MAN1C1: variants seen among roughly 807,000 people sequenced by gnomAD.
The protein encoded by MAN1C1 is mannosidase alpha class 1C member 1.
A neutral mutation model predicts 71.5 loss-of-function variants in MAN1C1; 49 were observed. The observed-to-expected ratio is 0.69, with a 90% confidence interval of 0.54 to 0.87. The LOEUF (loss-of-function observed/expected upper bound fraction) is 0.87, where lower values mean the gene tolerates loss of function less well. MAN1C1 is among the 40% of genes least tolerant of loss of function. The pLI, the probability that MAN1C1 is intolerant of heterozygous loss-of-function variation, is 0.00. For missense variants in MAN1C1, 743 were observed against 835.0 expected (o/e 0.89, Z 1.36); for synonymous variants, 352 against 343.7 (o/e 1.02, Z -0.27).
intron 6 of MAN1C1, chr1:25,760,745 T>A (rs2047349662): frequency 6.6e-6 from 1 of 152,204 alleles, no homozygotes; most frequent in African/African-American, 2.4e-5. Context: ...CACACATAAC[T>A]CTATCAACAT....
At position 25,771,697 on chromosome 1, in the gene MAN1C1, A is replaced by G. The variant is rs761997730; in HGVS notation, c.1182A>G (p.Glu394=). The G allele has an allele frequency of 6.2e-6, 10 of 1,614,080 alleles. No individual in the cohort carries two copies. The highest frequency in any genetic ancestry group is 8.5e-6 in the Non-Finnish European group (10 of 1,180,022). ...SVGGLGDSFY[E]YLIKSWLMSG... ...GAGGACTCGGGGACAGTTTTTATGA[A>G]TATTTGATCAAATCCTGGTTGATGT... Residue 394 remains glutamate, a synonymous_variant, in exon 8 of 12, where the codon GAA becomes GAG. Coordinates refer to ENST00000374332, the MANE Select transcript of MAN1C1 (RefSeq NM_020379.4).
rs2046968540 is a variant in MAN1C1, at chr1:25,735,309, T to C, written c.638-11359T>C. On this transcript the variant is annotated intron_variant, in intron 2 of 11. Coordinates refer to ENST00000374332, the MANE Select transcript of MAN1C1 (RefSeq NM_020379.4). This position sits in a 1 kb window ranked among gnomAD's most constrained non-coding sequence, Gnocchi z 4.6. ...GACGCATGCCTGTAATCCCAGCTAC[T>C]TGGGAGGCTGAGGCAATGAGAATCA... Among the ~76,000 whole-genome samples, 1 of 152,078 alleles carries C rather than the reference T, an allele frequency of 6.6e-6. No individual in the cohort carries two copies.
rs2047608481 is a variant in MAN1C1 at position 25,775,562 on chromosome 1, G to A, written c.1258-2543G>A. The stretch of plus-strand genomic sequence containing the variant: ...GCACTCAGAGTCTGAGAGAGAGACA[G>A]ATATACAACAGAAACAGATGCCAAG... On this transcript the variant is annotated intron_variant, in intron 8 of 11. Transcript: ENST00000374332. The surrounding 1 kb of genome is among the most constrained non-coding windows in gnomAD (Gnocchi z 5.1). Among the ~76,000 whole-genome samples the A allele has an allele frequency of 6.6e-6, 1 of 152,226 alleles. No individual in the cohort carries two copies. Among genetic ancestry groups the A allele is most frequent in the Non-Finnish European group, 1.5e-5 (1 of 68,036 alleles).
chr1:25,729,915 C>T (rs2124297899), intron 2 of MAN1C1, among the ~76,000 whole-genome samples: 1 of 152,338 alleles, frequency 6.6e-6, no homozygotes, highest in East Asian at 1.9e-4. Flanking sequence ...GTCCCCGTGG[C>T]TCACAGCCAG....
intron 1 of MAN1C1, among the ~76,000 whole-genome samples, chr1:25,643,583 A>G (rs2045568193): frequency 7.8e-6 from 1 of 127,786 alleles, no homozygotes; most frequent in African/African-American, 3.6e-5. Context: ...TTATATATAT[A>G]TATTTATTAT....
intron 1 of MAN1C1, among the ~76,000 whole-genome samples, chr1:25,619,352 C>T (rs1176063436): frequency 1.3e-5 from 2 of 152,188 alleles, no homozygotes; most frequent in Non-Finnish European, 2.9e-5. Flanking sequence ...GCTGCTTCTG[C>T]CTGGACTTCT....
chr1:25,646,818 G>A (rs1463798996), intron 1 of MAN1C1, among the ~76,000 whole-genome samples: 1 of 152,228 alleles, frequency 6.6e-6, no homozygotes, highest in Non-Finnish European at 1.5e-5. Context: ...CCATTCTTCT[G>A]TTGATGGACA....
Position 25,746,628 on chromosome 1 carries a change from G to T in MAN1C1, c.638-40G>T. On this transcript the variant is annotated intron_variant, in intron 2 of 11. Transcript: ENST00000374332. The surrounding 1 kb of genome is among the most constrained non-coding windows in gnomAD (Gnocchi z 4.0). ...CTTGTCCAGTTGGGGAAAAGAGAAA[G>T]ATGGCCCTGGGTCACACCCTCAATG... is the stretch of plus-strand genomic sequence containing the variant. 6.8e-7 allele frequency: 1 copy of T among 1,477,302 alleles called. No individual in the cohort carries two copies. Among genetic ancestry groups the T allele is most frequent in the African/African-American group, 1.4e-5 (1 of 72,030 alleles). The allele number at this position is 1,477,302 out of a possible 1,614,324, so 91.5% of individuals were successfully genotyped here.
Position 25,634,940 on chromosome 1 carries a change from T to C in MAN1C1, c.540+16603T>C, listed in dbSNP as rs542556873. Among the ~76,000 whole-genome samples the C allele has an allele frequency of 6.6e-6, 1 of 152,268 alleles. No homozygotes were observed. Among genetic ancestry groups the C allele is most frequent in the East Asian group, 1.9e-4 (1 of 5,186 alleles). On this transcript the variant is annotated intron_variant, in intron 1 of 11. Transcript: ENST00000374332. The surrounding 1 kb of genome is among the most constrained non-coding windows in gnomAD (Gnocchi z 4.6). ...TATGAGGGATATTGGTCTATAGTTT[T>C]TTTTTTTGTAAATCCTTTGTCTGGT...
rs2124299645 is a variant in MAN1C1, at chr1:25,730,753, G to T, written c.638-15915G>T. Reference sequence around the variant, plus strand: ...GGCTGTGGGTGGGTGGACAGGGCAAGCGGGGAGGGGGTTCTCCCTGTGTGG... The same window carrying T: ...GGCTGTGGGTGGGTGGACAGGGCAATCGGGGAGGGGGTTCTCCCTGTGTGG... On this transcript the variant is annotated intron_variant, in intron 2 of 11. Coordinates refer to ENST00000374332, the MANE Select transcript of MAN1C1 (RefSeq NM_020379.4). This position sits in a 1 kb window ranked among gnomAD's most constrained non-coding sequence, Gnocchi z 4.3. Among the ~76,000 whole-genome samples, 2 of 152,328 alleles carry T rather than the reference G, an allele frequency of 1.3e-5. No individual in the cohort carries two copies. Among genetic ancestry groups the T allele is most frequent in the Middle Eastern group, 6.8e-3 (2 of 294 alleles).
At chr1:25,762,060 CT>C (rs2047366588) in intron 6 of MAN1C1, among the ~76,000 whole-genome samples, 1 of 151,024 alleles carries the variant, frequency 6.6e-6, no homozygotes, top group African/African-American at 2.4e-5. Context: ...GACAGAATTT[CT>C]TTCTTTTTTA....
chr1:25,759,342 G>A lies in MAN1C1; in HGVS notation c.1047+633G>A, dbSNP rs150002779. 3.9e-5 allele frequency: 6 copies of A among 153,132 alleles called. No homozygotes were observed. The East Asian group carries it at 1.2e-3, about 29-fold the overall frequency. The allele number at this position is 153,132 out of a possible 1,614,324, so 9.5% of individuals were successfully genotyped here. A position where few individuals can be genotyped will look rare whatever the true frequency, so the allele number is the denominator to read the frequency against. The stretch of plus-strand genomic sequence containing the variant: ...AGGTCTGACCTCAAATCCAAAGAAG[G>A]GAAGTGCTCACACCTCCCTCATATG... On this transcript the variant is annotated intron_variant, in intron 6 of 11. Coordinates refer to ENST00000374332, the MANE Select transcript of MAN1C1 (RefSeq NM_020379.4).
At chr1:25,733,804 TTTTA>T (rs546949430) in intron 2 of MAN1C1, among the ~76,000 whole-genome samples, 21 of 151,488 alleles carry the variant, frequency 1.4e-4, no homozygotes, top group African/African-American at 4.9e-4. Flanking sequence ...TTATTTTTAT[TTTTA>T]TTTTTTTTTG....
intron 1 of MAN1C1, among the ~76,000 whole-genome samples, chr1:25,623,416 A>G (rs2045245328): frequency 6.6e-6 from 1 of 151,682 alleles, no homozygotes; most frequent in Admixed American, 6.6e-5. Context: ...ATGATTTTTA[A>G]AAGTCTGCTG....
At chr1:25,758,333 G>T (rs1291374005) in intron 5 of MAN1C1, among the ~76,000 whole-genome samples, 1 of 152,178 alleles carries the variant, frequency 6.6e-6, no homozygotes, top group African/African-American at 2.4e-5. Context: ...AAGTCTTACA[G>T]GGGTTGCTTG....
At chr1:25,637,559 CACTT>C (rs536269770) in intron 1 of MAN1C1, among the ~76,000 whole-genome samples, 243 of 150,748 alleles carry the variant, frequency 1.6e-3, no homozygotes, top group African/African-American at 5.7e-3. Flanking sequence ...CAATAACTGT[CACTT>C]AGGTCAGATA....
chr1:25,724,201 G>A (rs1056727402), intron 2 of MAN1C1, among the ~76,000 whole-genome samples: 1 of 152,008 alleles, frequency 6.6e-6, no homozygotes, highest in African/African-American at 2.4e-5. Context: ...GCTAATTTTT[G>A]TATTTTTAAT....
chr1:25,713,723 C>T (rs1217883785), intron 2 of MAN1C1, among the ~76,000 whole-genome samples: 1 of 152,162 alleles, frequency 6.6e-6, no homozygotes, highest in Non-Finnish European at 1.5e-5. Flanking sequence ...GACTAGGGTA[C>T]ACAGACACAT....
rs2046975725 is a variant in MAN1C1, at chr1:25,735,864, A to G, written c.638-10804A>G. Among the ~76,000 whole-genome samples the G allele has an allele frequency of 6.6e-6, 1 of 152,212 alleles. No homozygotes were observed. Among genetic ancestry groups the G allele is most frequent in the Admixed American group, 6.5e-5 (1 of 15,288 alleles). Reference sequence around the variant, plus strand: ...TCCTCTAATCCCTGTGGCAAGTCTCATGGCCAAACGTAAGATCAAGGGCAG... The same window carrying G: ...TCCTCTAATCCCTGTGGCAAGTCTCGTGGCCAAACGTAAGATCAAGGGCAG... On this transcript the variant is annotated intron_variant, in intron 2 of 11. Transcript: ENST00000374332. The surrounding 1 kb of genome is among the most constrained non-coding windows in gnomAD (Gnocchi z 4.6).
Sources: allele counts gnomAD v4.1 joint callset (sites outside exome capture counted in the v4.1 genomes callset), GRCh38; gene constraint gnomAD v4.1.1; non-coding constraint Gnocchi (gnomAD v3.1); transcripts MANE v1.5; gene names NCBI Gene and HGNC (gene_info 2026-07-23, HGNC 2026-07-21).